The following LPP variants were observed in gnomAD, a reference collection of about 807,000 sequenced individuals.
LPP encodes the protein lipoma-preferred partner.
LPP carries 38 observed loss-of-function variants against 60.4 expected under a neutral mutation model. That is an observed-to-expected ratio of 0.63 (90% CI 0.49 to 0.83). The LOEUF is 0.83. LPP is among the 40% of genes least tolerant of loss of function. The probability of loss-of-function intolerance (pLI) is 0.00; values close to 1 mark genes in which losing one functional copy is unlikely to be tolerated. For missense variants in LPP, 902 were observed against 783.6 expected (o/e 1.15, Z -1.80); for synonymous variants, 328 against 290.8 (o/e 1.13, Z -1.30).
At chr3:188,437,987 T>G (rs1792769434) in intron 4 of LPP, among the ~76,000 whole-genome samples, 1 of 152,164 alleles carries the variant, frequency 6.6e-6, no homozygotes, top group Non-Finnish European at 1.5e-5. Flanking sequence ...TTGGAAGATA[T>G]TTATTTGTAT....
At chr3:188,476,893 T>C (rs1458652523) in intron 4 of LPP, among the ~76,000 whole-genome samples, 2 of 152,182 alleles carry the variant, frequency 1.3e-5, no homozygotes, top group Admixed American at 6.5e-5. Flanking sequence ...TTGATGACAA[T>C]GAGGACAGAG....
chr3:188,643,803 GT>G (rs1469997330), intron 7 of LPP, among the ~76,000 whole-genome samples: 5 of 152,102 alleles, frequency 3.3e-5, no homozygotes, highest in Non-Finnish European at 7.4e-5. Context: ...CAATGAGATT[GT>G]TTTTCTTGAG....
chr3:188,664,089 A>G (rs1224406192), intron 7 of LPP, among the ~76,000 whole-genome samples: 1 of 152,218 alleles, frequency 6.6e-6, no homozygotes, highest in Non-Finnish European at 1.5e-5. Flanking sequence ...ACATATTGTC[A>G]CTTGTCATAA....
chr3:188,555,454 A>G (rs995317196), intron 6 of LPP, among the ~76,000 whole-genome samples: 1 of 152,140 alleles, frequency 6.6e-6, no homozygotes, highest in Admixed American at 6.6e-5. Flanking sequence ...TCAAAATGAT[A>G]GTTGGTTGGA....
At chr3:188,870,368 A>T (rs1477363568) in intron 10 of LPP, among the ~76,000 whole-genome samples, 4 of 152,198 alleles carry the variant, frequency 2.6e-5, no homozygotes. Context: ...CTTTGCATGT[A>T]TGGAGGCTTT....
At chr3:188,303,655 C>A (rs1239408168) in intron 2 of LPP, among the ~76,000 whole-genome samples, 1 of 152,046 alleles carries the variant, frequency 6.6e-6, no homozygotes, top group East Asian at 1.9e-4. Context: ...GAGAAACATG[C>A]AAATAGGATA....
At chr3:188,192,679 C>A (rs2149009340) in intron 1 of LPP, among the ~76,000 whole-genome samples, 1 of 152,294 alleles carries the variant, frequency 6.6e-6, no homozygotes, top group African/African-American at 2.4e-5. Context: ...TGATCTCAGT[C>A]TCATCTGACT....
intron 6 of LPP, among the ~76,000 whole-genome samples, chr3:188,583,961 G>C (rs907349827): frequency 1.3e-5 from 2 of 152,078 alleles, no homozygotes; most frequent in African/African-American, 4.8e-5. Flanking sequence ...CTTTCCTCTT[G>C]ATGTCTTGGT....
chr3:188,741,487 A>G (rs1281872071), intron 8 of LPP, among the ~76,000 whole-genome samples: 3 of 151,996 alleles, frequency 2.0e-5, no homozygotes, highest in Non-Finnish European at 4.4e-5. Flanking sequence ...TCTGTTGTAC[A>G]TGTAAACCAA....
chr3:188,867,516 G>T (rs567949681), intron 10 of LPP, among the ~76,000 whole-genome samples: 2 of 151,996 alleles, frequency 1.3e-5, no homozygotes, highest in African/African-American at 4.8e-5. Context: ...GCTAATGTTT[G>T]TATTTTTAGT....
At chr3:188,507,137 T>G (rs973843094) in intron 5 of LPP, among the ~76,000 whole-genome samples, 2 of 152,168 alleles carry the variant, frequency 1.3e-5, no homozygotes, top group Non-Finnish European at 2.9e-5. Context: ...AATAGCTACT[T>G]GATTGATATT....
intron 8 of LPP, among the ~76,000 whole-genome samples, chr3:188,733,157 C>T (rs1721258848): frequency 6.6e-6 from 1 of 151,972 alleles, no homozygotes; most frequent in Non-Finnish European, 1.5e-5. Flanking sequence ...AATTTTAATC[C>T]AAGTCTCATA....
intron 3 of LPP, among the ~76,000 whole-genome samples, chr3:188,405,182 G>T (rs1783157278): frequency 6.6e-6 from 1 of 152,120 alleles, no homozygotes; most frequent in African/African-American, 2.4e-5. Context: ...TCTAATAATT[G>T]TCCCAGACGT....
At chr3:188,636,080 G>A (rs547813619) in intron 7 of LPP, among the ~76,000 whole-genome samples, 116 of 152,346 alleles carry the variant, frequency 7.6e-4, no homozygotes, top group Non-Finnish European at 2.1e-4. Flanking sequence ...GAACAGCTCC[G>A]GTCTACAGCT....
At chr3:188,740,337 A>C (rs1166362501) in intron 8 of LPP, among the ~76,000 whole-genome samples, 1 of 152,056 alleles carries the variant, frequency 6.6e-6, no homozygotes, top group African/African-American at 2.4e-5. Flanking sequence ...TTAGGACTGC[A>C]AGAAAGTAGT....
rs185419798 is a variant in LPP, at chr3:188,465,239, C to T, written c.194-19353C>T. On this transcript the variant is annotated intron_variant, in intron 4 of 11. Coordinates refer to ENST00000617246, the MANE Select transcript of LPP (RefSeq NM_001375462.1). The stretch of plus-strand genomic sequence containing the variant: ...CTTGTTGAATTCCATTTCTGGATTA[C>T]TCTGTTTTTATTTTCATCTATTGGC... Among the ~76,000 whole-genome samples, 457 of 152,166 alleles carry T rather than the reference C, an allele frequency of 3.0e-3. 4 individuals carry two copies. Among genetic ancestry groups the T allele is most frequent in the African/African-American group, 0.011 (441 of 41,516 alleles).
At chr3:188,752,450 C>T (rs6762714) in intron 8 of LPP, among the ~76,000 whole-genome samples, 80,992 of 152,056 alleles carry the variant, frequency 0.53, 23,202 homozygotes, top group East Asian at 0.83. Flanking sequence ...CACCATGTTA[C>T]ATCTAACTGT....
At chr3:188,872,278 G>A (rs1768306253) in intron 10 of LPP, among the ~76,000 whole-genome samples, 1 of 152,114 alleles carries the variant, frequency 6.6e-6, no homozygotes, top group African/African-American at 2.4e-5. Flanking sequence ...AGAAACAAAA[G>A]TCAGAAACAA....
rs561869252 is a variant in LPP at position 188,371,249 on chromosome 3, T to C, written c.-10+29530T>C. ...CCAATCCCCATTAAATGACCCACTA[T>C]GGGGGTCATTAATTCATTTATTTAT... On this transcript the variant is annotated intron_variant, in intron 3 of 11. Transcript: ENST00000617246. 5.3e-5 allele frequency among the ~76,000 whole-genome samples: 8 copies of C among 152,224 alleles called. No homozygotes were observed. The East Asian group carries it at 9.7e-4, about 18-fold the overall frequency.
Sources: gnomAD v4.1 joint callset for allele counts (sites outside exome capture counted in the v4.1 genomes callset) on GRCh38, gnomAD v4.1.1 for gene constraint, MANE v1.5 for transcripts, NCBI Gene and HGNC (gene_info 2026-07-23, HGNC 2026-07-21) for gene names.